SDK1: variants seen among roughly 807,000 people sequenced by gnomAD.
The protein encoded by SDK1 is sidekick cell adhesion molecule 1, also known as protein sidekick-1.
A neutral mutation model predicts 245.5 loss-of-function variants in SDK1; 157 were observed. That is an observed-to-expected ratio of 0.64 (90% CI 0.56 to 0.73). The LOEUF (loss-of-function observed/expected upper bound fraction) is 0.73. Ranked by LOEUF, SDK1 falls within the 30% of genes least tolerant of loss-of-function variation. The pLI is 0.00. For missense variants in SDK1, 3,583 were observed against 3,002.3 expected (o/e 1.19, Z -4.52); for synonymous variants, 1,647 against 1,278.5 (o/e 1.29, Z -6.15).
intron 4 of SDK1, among the ~76,000 whole-genome samples, chr7:3,660,758 C>T (rs780837598): frequency 5.9e-5 from 9 of 152,200 alleles, no homozygotes; most frequent in Admixed American, 2.6e-4. Flanking sequence ...TCATCGCTGA[C>T]GGAACTGCAC....
At chr7:3,391,506 A>C (rs1781747894) in intron 1 of SDK1, among the ~76,000 whole-genome samples, 1 of 152,158 alleles carries the variant, frequency 6.6e-6, no homozygotes, top group East Asian at 1.9e-4. Flanking sequence ...GTAGAATAAA[A>C]AATTTCTTTC....
At chr7:4,232,411 C>CTTTTTTTTTTTTTTTTTTTTTTTTTTTT (rs71032930) in intron 40 of SDK1, among the ~76,000 whole-genome samples, 1 of 98,786 alleles carries the variant, frequency 1.0e-5, no homozygotes, top group Non-Finnish European at 2.0e-5. Context: ...TCTTTTCTTT[C>CTTTTTTTTTTTTTTTTTTTTTTTTTTTT]TTTTTTTTTT....
intron 27 of SDK1, among the ~76,000 whole-genome samples, chr7:4,131,999 A>C (rs1784859164): frequency 6.6e-6 from 1 of 152,130 alleles, no homozygotes; most frequent in African/African-American, 2.4e-5. Context: ...TTGCTCTCAG[A>C]GTCATTTAGT....
chr7:3,545,191 T>G (rs1448978527), intron 1 of SDK1, among the ~76,000 whole-genome samples: 3 of 152,090 alleles, frequency 2.0e-5, no homozygotes, highest in African/African-American at 7.2e-5. Context: ...CTGGGCTCAT[T>G]TCCATACTGT....
chr7:3,672,667 A>G (rs990390554), intron 4 of SDK1, among the ~76,000 whole-genome samples: 2 of 139,990 alleles, frequency 1.4e-5, no homozygotes, highest in African/African-American at 5.3e-5. Context: ...TTAAATTTAT[A>G]TATAAATTTG....
At chr7:4,063,594 T>G (rs1168777059) in intron 19 of SDK1, among the ~76,000 whole-genome samples, 1 of 106,910 alleles carries the variant, frequency 9.4e-6, no homozygotes. Flanking sequence ...TTCACAGAAA[T>G]AGCAAAAAAA....
intron 1 of SDK1, among the ~76,000 whole-genome samples, chr7:3,568,459 G>A (rs1206696778): frequency 1.3e-5 from 2 of 152,116 alleles, no homozygotes; most frequent in Non-Finnish European, 2.9e-5. Context: ...TCTGGCCGGA[G>A]ACCATGGGTG....
At chr7:3,932,030 G>A (rs1221261496) in intron 5 of SDK1, among the ~76,000 whole-genome samples, 2 of 152,210 alleles carry the variant, frequency 1.3e-5, no homozygotes, top group Non-Finnish European at 2.9e-5. Flanking sequence ...AGTTTGCACA[G>A]TCCAGATTTG....
At chr7:3,703,098 G>A (rs1447926996) in intron 4 of SDK1, among the ~76,000 whole-genome samples, 2 of 149,534 alleles carry the variant, frequency 1.3e-5, no homozygotes, top group Admixed American at 6.7e-5. Flanking sequence ...CCGACGATAC[G>A]ACTTAGTTCT....
At chr7:3,610,327 TTTC>T (rs1388394406) in intron 1 of SDK1, among the ~76,000 whole-genome samples, 4 of 152,370 alleles carry the variant, frequency 2.6e-5, no homozygotes, top group Middle Eastern at 3.4e-3. Flanking sequence ...TCAGGGTTGA[TTTC>T]TTAAGATTAT....
chr7:3,958,977 A>C lies in SDK1; in HGVS notation c.1197A>C (p.Glu399Asp), dbSNP rs147717009. 1 of 1,613,996 alleles carries C rather than the reference A, an allele frequency of 6.2e-7. No homozygotes were observed. The highest frequency in any genetic ancestry group is 8.5e-7 in the Non-Finnish European group (1 of 1,179,996). Residue 399 changes from glutamate to aspartate, a missense_variant, in exon 8 of 45, where the codon GAA becomes GAC. Physicochemically the swap from Glu to Asp is conservative, Grantham distance 45. Coordinates refer to ENST00000404826, the MANE Select transcript of SDK1 (RefSeq NM_152744.4). Reference protein sequence around the residue: ...TAEPESRISAEVEETVDIGCQ... With the variant: ...TAEPESRISADVEETVDIGCQ... ...AGCCCGAGAGTCGGATTTCAGCTGAAGTAGAAGAAACTGTGGACATCGGAT... is the reference window on the plus strand; with the variant it reads ...AGCCCGAGAGTCGGATTTCAGCTGACGTAGAAGAAACTGTGGACATCGGAT...
intron 17 of SDK1, among the ~76,000 whole-genome samples, chr7:4,025,239 G>A (rs1787246404): frequency 6.6e-6 from 1 of 152,256 alleles, no homozygotes; most frequent in Admixed American, 6.5e-5. Context: ...CAGCAACACT[G>A]TTTGGTTTGA....
chr7:3,723,518 A>T (rs1310117882), intron 4 of SDK1, among the ~76,000 whole-genome samples: 1 of 152,168 alleles, frequency 6.6e-6, no homozygotes, highest in Non-Finnish European at 1.5e-5. Context: ...TAGAAACATC[A>T]GTGAGAAAAT....
chr7:3,652,129 G>A (rs1209403363), intron 4 of SDK1, among the ~76,000 whole-genome samples: 2 of 152,188 alleles, frequency 1.3e-5, no homozygotes, highest in Non-Finnish European at 2.9e-5. Flanking sequence ...ATTAGATGAG[G>A]AAGTGGAGAC....
At chr7:4,254,222 T>G (rs964166298) in intron 44 of SDK1, among the ~76,000 whole-genome samples, 11 of 152,214 alleles carry the variant, frequency 7.2e-5, no homozygotes, top group Non-Finnish European at 1.2e-4. Flanking sequence ...TTTGCTTTTT[T>G]CTCTTTCTCC....
In SDK1 at chr7:4,225,917, G is replaced by A. The variant is rs530484828; in HGVS notation, c.5827+4553G>A. On this transcript the variant is annotated intron_variant, in intron 40 of 44. Transcript: ENST00000404826. ...CAGGTCGCCAACGATCTCCCCTTTCGGATCATGAAGGGAACCCAAGCAGGC... is the reference window on the plus strand; with the variant it reads ...CAGGTCGCCAACGATCTCCCCTTTCAGATCATGAAGGGAACCCAAGCAGGC... Among the ~76,000 whole-genome samples, 9 of 151,338 alleles carry A rather than the reference G, an allele frequency of 5.9e-5. 1 individual carries two copies. The highest frequency in any genetic ancestry group is 2.2e-4 in the African/African-American group (9 of 41,448).
intron 27 of SDK1, 103 bp from the exon 28 acceptor site, chr7:4,132,221 GT>G (rs113599151): frequency 0.13 from 110,127 of 856,480 alleles, 7,963 homozygotes; most frequent in Non-Finnish European, 0.14. Context: ...AGTGTAGCCT[GT>G]GGTAGTTACT....
chr7:3,574,538 G>A (rs371573662), intron 1 of SDK1, among the ~76,000 whole-genome samples: 4 of 152,128 alleles, frequency 2.6e-5, no homozygotes, highest in Admixed American at 2.0e-4. Context: ...ATATGAATGC[G>A]GGAAAAACTC....
At position 4,046,965 on chromosome 7, in the gene SDK1, C is replaced by T. The variant is rs112027732; in HGVS notation, c.2603-2383C>T. Among the ~76,000 whole-genome samples the T allele has an allele frequency of 5.8e-4, 88 of 152,242 alleles. 1 individual carries two copies. The highest frequency in any genetic ancestry group is 2.0e-3 in the African/African-American group (81 of 41,532). ...CTCTTTACTGTGTTTTCTTCCAATGCACCCATGTGATATGATTCTGTATTG... is the reference window on the plus strand; with the variant it reads ...CTCTTTACTGTGTTTTCTTCCAATGTACCCATGTGATATGATTCTGTATTG... On this transcript the variant is annotated intron_variant, in intron 17 of 44. Transcript: ENST00000404826.
Sources: gnomAD v4.1 joint callset for allele counts (sites outside exome capture counted in the v4.1 genomes callset) on GRCh38, gnomAD v4.1.1 for gene constraint, MANE v1.5 for transcripts, NCBI Gene and HGNC (gene_info 2026-07-23, HGNC 2026-07-21) for gene names.